The following PRKN variants were observed in gnomAD, a reference collection of about 807,000 sequenced individuals.
The protein encoded by PRKN is parkin RBR E3 ubiquitin protein ligase, also known as E3 ubiquitin-protein ligase parkin.
PRKN carries 56 observed loss-of-function variants against 59.5 expected under a neutral mutation model. The ratio of observed to expected loss-of-function variants is 0.94; its 90% CI spans 0.76 to 1.18. The LOEUF is 1.18. Ranked by LOEUF, PRKN falls within the 50% of genes most tolerant of loss-of-function variation. The pLI is 0.00. For missense variants in PRKN, 657 were observed against 596.4 expected (o/e 1.10, Z -1.06); for synonymous variants, 250 against 222.1 (o/e 1.13, Z -1.12).
chr6:161,886,842 C>T (rs181887052), intron 6 of PRKN, among the ~76,000 whole-genome samples: 42 of 151,712 alleles, frequency 2.8e-4, no homozygotes, highest in African/African-American at 8.0e-4. Context: ...GTTTCTTAAT[C>T]GTGAAAGAAG....
At chr6:162,272,563 C>G (rs1339518076) in intron 2 of PRKN, among the ~76,000 whole-genome samples, 8 of 152,104 alleles carry the variant, frequency 5.3e-5, no homozygotes, top group Admixed American at 3.3e-4. Context: ...TCGGGGAGGT[C>G]AGCACTACCC....
chr6:162,306,624 A>G (rs1366702332), intron 2 of PRKN, among the ~76,000 whole-genome samples: 2 of 152,148 alleles, frequency 1.3e-5, no homozygotes, highest in East Asian at 1.9e-4. Context: ...GCTGCACACA[A>G]CGGAAGTATT....
intron 4 of PRKN, among the ~76,000 whole-genome samples, chr6:162,106,173 G>A (rs1041779854): frequency 6.6e-5 from 10 of 152,218 alleles, no homozygotes; most frequent in African/African-American, 2.4e-4. Context: ...CCGTAAGTAC[G>A]GGAAGAGGAT....
chr6:162,578,323 AAT>A (rs1780645211), intron 1 of PRKN, among the ~76,000 whole-genome samples: 5 of 152,272 alleles, frequency 3.3e-5, no homozygotes, highest in African/African-American at 9.6e-5. Flanking sequence ...ATGTATTAAA[AAT>A]ATGTTATAAA....
chr6:161,691,748 C>A (rs1339582602), intron 7 of PRKN, among the ~76,000 whole-genome samples: 1 of 152,208 alleles, frequency 6.6e-6, no homozygotes, highest in African/African-American at 2.4e-5. Context: ...CATCCTTGTT[C>A]ATAGCATGAG....
At chr6:161,914,019 A>C (rs1040858708) in intron 6 of PRKN, among the ~76,000 whole-genome samples, 8 of 152,298 alleles carry the variant, frequency 5.3e-5, no homozygotes, top group Non-Finnish European at 1.0e-4. Flanking sequence ...GTGAAAAATA[A>C]ATTTCTATTG....
chr6:161,797,359 T>C lies in PRKN; in HGVS notation c.735-11451A>G, dbSNP rs966477258. Among the ~76,000 whole-genome samples the C allele has an allele frequency of 7.2e-5, 11 of 152,282 alleles. 1 individual carries two copies. Among genetic ancestry groups the C allele is most frequent in the Admixed American group, 6.5e-4 (10 of 15,300 alleles). On this transcript the variant is annotated intron_variant, in intron 6 of 11. Coordinates refer to ENST00000366898, the MANE Select transcript of PRKN (RefSeq NM_004562.3). ...CCGGCTCACTGCAACCTCTGCCTCC[T>C]GGGTTCAAGTGATTCTTGTGCCTCA...
chr6:162,341,172 G>C (rs1327876588), intron 2 of PRKN, among the ~76,000 whole-genome samples: 1 of 152,134 alleles, frequency 6.6e-6, no homozygotes, highest in Non-Finnish European at 1.5e-5. Context: ...ATCATCACTG[G>C]TCATTAGAGA....
Position 161,777,904 on chromosome 6 carries a change from A to ATACT in PRKN, c.871+7867_871+7868insAGTA, listed in dbSNP as rs202007278. ...TATATGTATATATATGTATACATAT[A>ATACT]TATGTGTATATATATGTATGTATAT... On this transcript the variant is annotated intron_variant, in intron 7 of 11. Coordinates refer to ENST00000366898, the MANE Select transcript of PRKN (RefSeq NM_004562.3). 2.0e-3 allele frequency among the ~76,000 whole-genome samples: 244 copies of ATACT among 123,660 alleles called. 2 individuals are homozygous for ATACT. Among genetic ancestry groups the ATACT allele is most frequent in the African/African-American group, 6.6e-3 (225 of 34,086 alleles). The allele number at this position is 123,660 out of a possible 152,430, so 81.1% of individuals were successfully genotyped here.
At chr6:161,623,671 T>A (rs74927076) in intron 7 of PRKN, among the ~76,000 whole-genome samples, 5 of 152,362 alleles carry the variant, frequency 3.3e-5, no homozygotes, top group Non-Finnish European at 5.9e-5. Context: ...TTGTCATAAC[T>A]ACCTTAGTGC....
At position 161,429,175 on chromosome 6, in the gene PRKN, G is replaced by A. The variant is rs1788534254; in HGVS notation, c.1084-42298C>T. Among the ~76,000 whole-genome samples, 1 of 152,176 alleles carries A rather than the reference G, an allele frequency of 6.6e-6. No individual in the cohort carries two copies. On this transcript the variant is annotated intron_variant, in intron 9 of 11. Transcript: ENST00000366898. The surrounding 1 kb of genome is among the most constrained non-coding windows in gnomAD (Gnocchi z 4.2). ...TCACCTATATCACACTTCATATGATGTAAGATACAATTTATATATTCTTGC... is the reference window on the plus strand; with the variant it reads ...TCACCTATATCACACTTCATATGATATAAGATACAATTTATATATTCTTGC...
intron 5 of PRKN, among the ~76,000 whole-genome samples, chr6:162,021,455 ATATATATTTTTT>A (rs1562465976): frequency 2.0e-5 from 1 of 49,294 alleles, no homozygotes; most frequent in Non-Finnish European, 3.5e-5. Flanking sequence ...ATATATATAT[ATATATATTTTTT>A]TTTTTTTTTT....
At position 161,936,847 on chromosome 6, in the gene PRKN, G is replaced by A. The variant is rs529244547; in HGVS notation, c.734+36455C>T. ...GTCACCCAGGCTGAAGTGCAGTAGC[G>A]TGATCTTGGCTCACTGAAACCTCCA... On this transcript the variant is annotated intron_variant, in intron 6 of 11. Transcript: ENST00000366898. Among the ~76,000 whole-genome samples the A allele has an allele frequency of 3.7e-4, 56 of 150,672 alleles. 1 individual carries two copies. The highest frequency in any genetic ancestry group is 2.8e-3 in the Admixed American group (42 of 15,126).
chr6:161,938,593 T>A (rs978274921), intron 6 of PRKN, among the ~76,000 whole-genome samples: 1 of 152,166 alleles, frequency 6.6e-6, no homozygotes, highest in Non-Finnish European at 1.5e-5. Context: ...ATTATTATAA[T>A]CATAAATTGG....
chr6:162,599,677 A>T (rs926387160), intron 1 of PRKN, among the ~76,000 whole-genome samples: 1 of 152,174 alleles, frequency 6.6e-6, no homozygotes, highest in Non-Finnish European at 1.5e-5. Flanking sequence ...ACGACAGCAC[A>T]CGTGGCCATT....
chr6:162,025,834 C>T (rs1783413192), intron 5 of PRKN, among the ~76,000 whole-genome samples: 4 of 151,820 alleles, frequency 2.6e-5, no homozygotes, highest in African/African-American at 4.8e-5. Context: ...AGTGATCCAC[C>T]CGCCTCAGCC....
In PRKN at chr6:162,210,010, G is replaced by A. The variant is rs569869538; in HGVS notation, c.413-8758C>T. Among the ~76,000 whole-genome samples the A allele has an allele frequency of 2.6e-5, 4 of 152,090 alleles. No individual in the cohort carries two copies. The East Asian group carries it at 7.7e-4, about 29-fold the overall frequency. The stretch of plus-strand genomic sequence containing the variant: ...ATTAGGAGAAATACCTAATGTAAAT[G>A]ATGAGTTGATGGGTGCAGCAAACCA... On this transcript the variant is annotated intron_variant, in intron 3 of 11. Transcript: ENST00000366898.
At chr6:162,134,058 A>G (rs1445892435) in intron 4 of PRKN, among the ~76,000 whole-genome samples, 1 of 152,196 alleles carries the variant, frequency 6.6e-6, no homozygotes, top group Non-Finnish European at 1.5e-5. Context: ...CGAATGAATT[A>G]CCCAGTATAC....
At chr6:161,670,642 C>T (rs560487080) in intron 7 of PRKN, among the ~76,000 whole-genome samples, 7 of 152,214 alleles carry the variant, frequency 4.6e-5, no homozygotes, top group South Asian at 2.1e-4. Context: ...AGTGAAACCC[C>T]GTCTCTACTA....
Sources: gnomAD v4.1 joint callset for allele counts (sites outside exome capture counted in the v4.1 genomes callset) on GRCh38, gnomAD v4.1.1 for gene constraint, Gnocchi (gnomAD v3.1) non-coding constraint, MANE v1.5 for transcripts, NCBI Gene and HGNC (gene_info 2026-07-23, HGNC 2026-07-21) for gene names.